DAB1: variants seen among roughly 807,000 people sequenced by gnomAD.
DAB1 encodes the protein disabled homolog 1.
In DAB1, 15 loss-of-function variants were observed where a neutral mutation model predicts 64.6. The ratio of observed to expected loss-of-function variants is 0.23; its 90% CI spans 0.16 to 0.36. The LOEUF (loss-of-function observed/expected upper bound fraction) is 0.36, where lower values mean the gene tolerates loss of function less well. Ranked by LOEUF, DAB1 falls within the 10% of genes least tolerant of loss-of-function variation. The pLI is 1.00. For missense variants in DAB1, 596 were observed against 706.7 expected, an observed-to-expected ratio of 0.84 and a Z score of 1.78; for synonymous variants, 235 against 251.9, an observed-to-expected ratio of 0.93 and a Z score of 0.64.
chr1:58,432,660 C>T (rs910477062), intron 3 of DAB1, among the ~76,000 whole-genome samples: 1 of 152,156 alleles, frequency 6.6e-6, no homozygotes, highest in African/African-American at 2.4e-5. Context: ...CAACCAAGAG[C>T]TCCCTAAAGA....
intron 3 of DAB1, among the ~76,000 whole-genome samples, chr1:58,374,005 C>T (rs1334176252): frequency 3.8e-4 from 45 of 119,282 alleles, no homozygotes; most frequent in African/African-American, 5.8e-4. Flanking sequence ...TCATGTCCTT[C>T]GCCCACTTTT....
intron 5 of DAB1, among the ~76,000 whole-genome samples, chr1:57,928,552 A>G (rs1644911541): frequency 6.6e-6 from 1 of 152,224 alleles, no homozygotes; most frequent in Non-Finnish European, 1.5e-5. Context: ...CTACCAGTGC[A>G]GTTTCATACA....
chr1:57,139,039 A>G (rs1053534469), intron 3 of DAB1, among the ~76,000 whole-genome samples: 1 of 152,142 alleles, frequency 6.6e-6, no homozygotes, highest in Non-Finnish European at 1.5e-5. Context: ...TTGGAGTAAA[A>G]TAATACATGT....
At chr1:57,364,379 C>T (rs1015355123) in intron 1 of DAB1, among the ~76,000 whole-genome samples, 3 of 152,114 alleles carry the variant, frequency 2.0e-5, no homozygotes, top group African/African-American at 7.2e-5. Context: ...GGTCTAGTCA[C>T]AGAGATGAGC....
chr1:57,991,591 T>G (rs1324957617), intron 5 of DAB1, among the ~76,000 whole-genome samples: 1 of 152,072 alleles, frequency 6.6e-6, no homozygotes, highest in Admixed American at 6.6e-5. Flanking sequence ...TTGATGCCTG[T>G]AATCCTAGCA....
intron 7 of DAB1, among the ~76,000 whole-genome samples, chr1:57,611,062 C>G (rs1056782697): frequency 1.3e-5 from 2 of 151,238 alleles, no homozygotes; most frequent in Admixed American, 6.6e-5. Context: ...TGCTTTTGCA[C>G]TAGAATAAAT....
At chr1:58,413,648 C>T (rs1644690519) in intron 3 of DAB1, among the ~76,000 whole-genome samples, 2 of 152,174 alleles carry the variant, frequency 1.3e-5, no homozygotes, top group African/African-American at 4.8e-5. Context: ...GTGAGAATGC[C>T]ATGCTGCTAA....
chr1:58,040,744 T>A (rs984509973), intron 5 of DAB1, among the ~76,000 whole-genome samples: 1 of 152,234 alleles, frequency 6.6e-6, no homozygotes, highest in Non-Finnish European at 1.5e-5. Context: ...CTAATGTCAA[T>A]CTCATGAAAG....
At chr1:58,268,941 G>C (rs1283694085) in intron 4 of DAB1, among the ~76,000 whole-genome samples, 1 of 152,044 alleles carries the variant, frequency 6.6e-6, no homozygotes, top group South Asian at 2.1e-4. Context: ...AGAATTAAAA[G>C]CCCAGAAATA....
intron 6 of DAB1, among the ~76,000 whole-genome samples, chr1:57,754,302 T>C (rs1648690717): frequency 6.6e-6 from 1 of 152,164 alleles, no homozygotes; most frequent in East Asian, 1.9e-4. Flanking sequence ...TATTTCTAAT[T>C]TGAATAAATA....
chr1:57,238,850 C>CACACACAT (rs879392630), intron 2 of DAB1, among the ~76,000 whole-genome samples: 6,261 of 142,618 alleles, frequency 0.044, 245 homozygotes, highest in Admixed American at 0.16. Context: ...CGCACACACA[C>CACACACAT]ACACACACAT....
intron 4 of DAB1, among the ~76,000 whole-genome samples, chr1:57,118,342 G>T (rs1656328570): frequency 6.6e-6 from 1 of 152,148 alleles, no homozygotes; most frequent in Admixed American, 6.5e-5. Flanking sequence ...GAAGTCTGAA[G>T]GGGCCACATA....
chr1:57,725,972 T>C (rs896233190), intron 6 of DAB1, among the ~76,000 whole-genome samples: 2 of 152,278 alleles, frequency 1.3e-5, no homozygotes, highest in Admixed American at 1.3e-4. Context: ...CAGGCTGGTC[T>C]TGAACTCCTG....
At chr1:57,573,460 C>A (rs1005279970) in intron 7 of DAB1, among the ~76,000 whole-genome samples, 3 of 152,112 alleles carry the variant, frequency 2.0e-5, no homozygotes, top group Admixed American at 2.0e-4. Context: ...TATTTTCAGA[C>A]CTGCATAAAA....
In DAB1 at chr1:57,060,990, A is replaced by C. The variant is rs1206385289; in HGVS notation, c.723+1894T>G. Among the ~76,000 whole-genome samples, 7 of 152,066 alleles carry C rather than the reference A, an allele frequency of 4.6e-5. No individual in the cohort carries two copies. The East Asian group carries it at 7.7e-4, about 17-fold the overall frequency. ...AGTGTGGCAATTCAGGCACAAACTG[A>C]ATTGTAGAGAATGGTGTCATGGGGG... On this transcript the variant is annotated intron_variant, in intron 9 of 14. Transcript: ENST00000371236.
At chr1:57,075,781 T>C (rs1195018170) in intron 4 of DAB1, among the ~76,000 whole-genome samples, 7 of 152,220 alleles carry the variant, frequency 4.6e-5, no homozygotes, top group Non-Finnish European at 1.0e-4. Flanking sequence ...CCAGGTGTTT[T>C]TCCTACTCAG....
chr1:58,486,032 A>G (rs1354927137), intron 3 of DAB1, among the ~76,000 whole-genome samples: 1 of 152,240 alleles, frequency 6.6e-6, no homozygotes. Flanking sequence ...CTATGAGTGA[A>G]AGAAACTAAC....
chr1:57,866,522 C>A (rs1263293406), intron 1 of DAB1: 1 of 152,154 alleles, frequency 6.6e-6, no homozygotes, highest in Non-Finnish European at 1.5e-5. Context: ...TTCAGTACAG[C>A]ACCTTAGTGA....
chr1:57,656,478 C>T (rs1027161859), intron 6 of DAB1, among the ~76,000 whole-genome samples: 1 of 152,150 alleles, frequency 6.6e-6, no homozygotes, highest in African/African-American at 2.4e-5. Flanking sequence ...AATATTTGGT[C>T]TTTTATTGTG....
Sources: allele counts gnomAD v4.1 joint callset (sites outside exome capture counted in the v4.1 genomes callset), GRCh38; gene constraint gnomAD v4.1.1; transcripts MANE v1.5; gene names NCBI Gene and HGNC (gene_info 2026-07-23, HGNC 2026-07-21).